Variants in TFDP2 observed in about 807,000 individuals in gnomAD.
TFDP2 encodes the protein transcription factor Dp-2.
In TFDP2, 17 loss-of-function variants were observed where a neutral mutation model predicts 59.3. That is an observed-to-expected ratio of 0.29 (90% CI 0.20 to 0.43). The LOEUF is 0.43. Among genes scored for constraint, TFDP2 ranks in the 20% least tolerant of loss-of-function variants. The pLI is 1.00. For missense variants in TFDP2, 391 were observed against 528.8 expected (o/e 0.74, Z 2.56); for synonymous variants, 180 against 194.7 (o/e 0.92, Z 0.63).
chr3:142,135,625 G>C (rs2062697565), intron 1 of TFDP2, among the ~76,000 whole-genome samples: 1 of 151,974 alleles, frequency 6.6e-6, no homozygotes, highest in Admixed American at 6.5e-5. Context: ...CTCATTGTCA[G>C]TTCCCAACTA....
intron 3 of TFDP2, among the ~76,000 whole-genome samples, chr3:142,024,906 G>C (rs557787126): frequency 6.6e-6 from 1 of 152,000 alleles, no homozygotes; most frequent in Non-Finnish European, 1.5e-5. Context: ...TGTAATCTCA[G>C]CTACTCGGGA....
intron 11 of TFDP2, among the ~76,000 whole-genome samples, chr3:141,959,370 A>G (rs183199697): frequency 2.8e-4 from 42 of 152,316 alleles, no homozygotes; most frequent in Non-Finnish European, 5.0e-4. Flanking sequence ...GCTTACTCTA[A>G]CTAGGCTCTA....
intron 3 of TFDP2, among the ~76,000 whole-genome samples, chr3:142,091,359 T>TA (rs1371527570): frequency 6.6e-6 from 1 of 151,970 alleles, no homozygotes; most frequent in Non-Finnish European, 1.5e-5. Flanking sequence ...TGTGGTGGCT[T>TA]AAACCTGGCC....
chr3:142,080,299 TA>T (rs1325497319), intron 3 of TFDP2, among the ~76,000 whole-genome samples: 4 of 152,136 alleles, frequency 2.6e-5, no homozygotes. Context: ...TGGGTTATAT[TA>T]TTTGCAAGCC....
chr3:142,093,191 C>T (rs1349962378), intron 2 of TFDP2, 64 bp from the exon 3 acceptor site: 5 of 1,101,422 alleles, frequency 4.5e-6, no homozygotes, highest in Non-Finnish European at 6.4e-6. Context: ...ACTTAACAAG[C>T]TATTTTATAT....
chr3:142,059,556 A>C (rs1189118415), intron 3 of TFDP2, among the ~76,000 whole-genome samples: 1 of 152,260 alleles, frequency 6.6e-6, no homozygotes, highest in African/African-American at 2.4e-5. Context: ...TGCTATTGAG[A>C]CATAGTGTCA....
chr3:142,018,326 G>T (rs1394772587), intron 3 of TFDP2, among the ~76,000 whole-genome samples: 3 of 152,080 alleles, frequency 2.0e-5, no homozygotes, highest in African/African-American at 7.2e-5. Flanking sequence ...TAATGGAAAA[G>T]TTTTAGTATT....
intron 8 of TFDP2, among the ~76,000 whole-genome samples, chr3:141,972,519 A>G (rs1055790843): frequency 2.0e-5 from 3 of 152,114 alleles, no homozygotes; most frequent in Non-Finnish European, 4.4e-5. Flanking sequence ...TTCCCTAGCC[A>G]CACCCAGCTC....
chr3:141,969,616 A>C (rs934458749), intron 9 of TFDP2, among the ~76,000 whole-genome samples: 1 of 152,166 alleles, frequency 6.6e-6, no homozygotes, highest in East Asian at 1.9e-4. Flanking sequence ...GTCTCAAAAA[A>C]CAACAACAAC....
At chr3:142,063,484 A>G (rs2059982322) in intron 3 of TFDP2, among the ~76,000 whole-genome samples, 1 of 152,232 alleles carries the variant, frequency 6.6e-6, no homozygotes, top group East Asian at 1.9e-4. Context: ...TCAGTGTAGG[A>G]GCTACTTTTC....
At position 142,122,265 on chromosome 3, in the gene TFDP2, C is replaced by T. The variant is rs115310743; in HGVS notation, c.-92-20424G>A. ...ACCTGCTCACTTGGGTCCCACATAACGATAAATTCAGTGCAAACTTACACT... is the reference window on the plus strand; with the variant it reads ...ACCTGCTCACTTGGGTCCCACATAATGATAAATTCAGTGCAAACTTACACT... On this transcript the variant is annotated intron_variant, in intron 1 of 12. Coordinates refer to ENST00000489671, the MANE Select transcript of TFDP2 (RefSeq NM_001178139.2). Among the ~76,000 whole-genome samples, 164 of 152,280 alleles carry T rather than the reference C, an allele frequency of 1.1e-3. 1 individual carries two copies. Among genetic ancestry groups the T allele is most frequent in the African/African-American group, 3.6e-3 (150 of 41,552 alleles).
At chr3:142,137,183 G>A (rs1269538912) in intron 1 of TFDP2, among the ~76,000 whole-genome samples, 5 of 151,962 alleles carry the variant, frequency 3.3e-5, no homozygotes, top group African/African-American at 4.8e-5. Context: ...TTGGCTCTCT[G>A]TCTGTTATTG....
intron 2 of TFDP2, among the ~76,000 whole-genome samples, chr3:142,093,773 T>C (rs1424770899): frequency 1.3e-5 from 2 of 152,188 alleles, no homozygotes; most frequent in Non-Finnish European, 1.5e-5. Flanking sequence ...GGATTCATAT[T>C]CTGGACCATC....
chr3:141,974,820 C>T (rs1390574351), intron 7 of TFDP2, among the ~76,000 whole-genome samples: 1 of 151,360 alleles, frequency 6.6e-6, no homozygotes, highest in Non-Finnish European at 1.5e-5. Context: ...CTCCAATCTA[C>T]AATGGGACTA....
chr3:141,966,306 G>A (rs755403022), intron 9 of TFDP2, among the ~76,000 whole-genome samples: 5 of 151,676 alleles, frequency 3.3e-5, no homozygotes, highest in South Asian at 2.1e-4. Context: ...CCGAGTAGCC[G>A]GGACTACAGG....
At chr3:142,059,291 T>C (rs552123416) in intron 3 of TFDP2, among the ~76,000 whole-genome samples, 50 of 152,262 alleles carry the variant, frequency 3.3e-4, no homozygotes, top group Non-Finnish European at 1.9e-4. Context: ...CCAATGACTG[T>C]ATCAATGTTT....
chr3:141,975,740 C>T (rs529470096), intron 7 of TFDP2, among the ~76,000 whole-genome samples: 1 of 150,054 alleles, frequency 6.7e-6, no homozygotes, highest in African/African-American at 2.4e-5. Flanking sequence ...AACAATGATA[C>T]TGTAACAACA....
At chr3:142,063,467 A>G (rs1373634969) in intron 3 of TFDP2, among the ~76,000 whole-genome samples, 1 of 152,232 alleles carries the variant, frequency 6.6e-6, no homozygotes, top group Non-Finnish European at 1.5e-5. Flanking sequence ...TTGCAAAACT[A>G]CAGACTTCAG....
At chr3:141,956,278 C>A (rs536332160) in intron 11 of TFDP2, among the ~76,000 whole-genome samples, 1 of 152,204 alleles carries the variant, frequency 6.6e-6, no homozygotes, top group Admixed American at 6.5e-5. Context: ...AGACAAGTAA[C>A]TCTACTTAAA....
Sources: gnomAD v4.1 joint callset for allele counts (sites outside exome capture counted in the v4.1 genomes callset) on GRCh38, gnomAD v4.1.1 for gene constraint, MANE v1.5 for transcripts, NCBI Gene and HGNC (gene_info 2026-07-23, HGNC 2026-07-21) for gene names.